Variants in TANGO2 observed in about 807,000 individuals in gnomAD.
TANGO2 encodes transport and golgi organization 2 homolog, also known as transport and Golgi organization protein 2 homolog.
In TANGO2, 26 loss-of-function variants were observed where a neutral mutation model predicts 39.1. The ratio of observed to expected loss-of-function variants is 0.67; its 90% confidence interval spans 0.49 to 0.92. The LOEUF is 0.92. TANGO2 is among the 40% of genes least tolerant of loss of function. TANGO2 has a pLI of 0.00. For synonymous variants in TANGO2, 131 were observed against 144.5 expected (o/e 0.91, Z 0.67); for missense variants, 326 against 360.1 (o/e 0.91, Z 0.77).
chr22:20,024,709 G>T (rs2040399295), intron 1 of TANGO2, among the ~76,000 whole-genome samples: 1 of 152,258 alleles, frequency 6.6e-6, no homozygotes, highest in Non-Finnish European at 1.5e-5. Context: ...CCTTGACCCT[G>T]TGGTACTAAT....
chr22:20,055,835 T>C (rs2047223439), intron 5 of TANGO2, 108 bp from the exon 6 acceptor site: 2 of 995,772 alleles, frequency 2.0e-6, no homozygotes, highest in Non-Finnish European at 3.1e-6. Context: ...CGCAGCGGGC[T>C]ACTGCGCACA....
At chr22:20,031,377 C>T (rs777802771) in intron 1 of TANGO2, among the ~76,000 whole-genome samples, 18 of 152,152 alleles carry the variant, frequency 1.2e-4, no homozygotes, top group South Asian at 6.2e-4. Flanking sequence ...ATGAGAACAA[C>T]GCTTCTTTTC....
rs948852801 is a variant in TANGO2 at position 20,057,265 on chromosome 22, A to T, written c.451+1252A>T. On this transcript the variant is annotated intron_variant, in intron 6 of 8. Coordinates refer to ENST00000327374, the MANE Select transcript of TANGO2 (RefSeq NM_152906.7). This position sits in a 1 kb window ranked among gnomAD's most constrained non-coding sequence, Gnocchi z 4.1. The stretch of plus-strand genomic sequence containing the variant: ...GAGTCCTGTGGTCCTTGCCTGGCCC[A>T]CACTGGAGCTGGCTTCCAGCTTCCC... Among the ~76,000 whole-genome samples, 1 of 152,110 alleles carries T rather than the reference A, an allele frequency of 6.6e-6. No homozygotes were observed. The highest frequency in any genetic ancestry group is 1.5e-5 in the Non-Finnish European group (1 of 68,002).
chr22:20,034,011 G>T (rs569387195), intron 1 of TANGO2, among the ~76,000 whole-genome samples: 4 of 152,324 alleles, frequency 2.6e-5, no homozygotes, highest in Admixed American at 2.6e-4. Flanking sequence ...TTGGAGACCA[G>T]CCTGACCAAC....
chr22:20,027,563 G>T (rs930676697), intron 1 of TANGO2, among the ~76,000 whole-genome samples: 2 of 152,092 alleles, frequency 1.3e-5, no homozygotes, highest in Non-Finnish European at 2.9e-5. Flanking sequence ...GTGCAAGCAG[G>T]TTAAGAACAC....
chr22:20,055,704 G>A, intron 5 of TANGO2: 2 of 586,798 alleles, frequency 3.4e-6, no homozygotes, highest in Non-Finnish European at 6.1e-6. Flanking sequence ...TGTGCCTCCT[G>A]GGCTGGTGGG....
upstream of TANGO2, among the ~76,000 whole-genome samples, chr22:20,020,612 G>C (rs559408547): frequency 7.1e-4 from 108 of 152,184 alleles, no homozygotes; most frequent in African/African-American, 2.5e-3. Flanking sequence ...ACATCAGGGA[G>C]GAAAGAGCCG....
In TANGO2 at chr22:20,064,879, C is replaced by T; in HGVS notation, c.*217C>T. The stretch of plus-strand genomic sequence containing the variant: ...CAGTGAGGAGCAGCAGAGTCTGATA[C>T]TAGGTCTAGGACCGGCCGAGGTATA... On this transcript the variant is annotated 3_prime_UTR_variant, in exon 9 of 9. Transcript: ENST00000327374. 1.7e-6 allele frequency: 1 copy of T among 604,814 alleles called. No individual in the cohort carries two copies. The highest frequency in any genetic ancestry group is 2.8e-6 in the Non-Finnish European group (1 of 352,134). The allele number at this position is 604,814 out of a possible 1,614,324, so 37.5% of individuals were successfully genotyped here.
At chr22:20,052,646 C>CA in intron 4 of TANGO2, 62 bp downstream of exon 4, 1 of 1,529,996 alleles carries the variant, frequency 6.5e-7, no homozygotes, top group Non-Finnish European at 8.8e-7. Flanking sequence ...CTAGGTGAGA[C>CA]AAGGTGGGGC....
intron 1 of TANGO2, among the ~76,000 whole-genome samples, chr22:20,027,436 T>C (rs2146799639): frequency 1.3e-5 from 2 of 152,272 alleles, no homozygotes; most frequent in East Asian, 3.9e-4. Context: ...TGGGCAGTGG[T>C]GAACCAGTGG....
At chr22:20,064,089 G>A (rs1283502605) in intron 8 of TANGO2, among the ~76,000 whole-genome samples, 1 of 152,234 alleles carries the variant, frequency 6.6e-6, no homozygotes, top group East Asian at 1.9e-4. Context: ...GGCTGGCATG[G>A]CCTGGGCAGT....
In TANGO2 at chr22:20,064,969, C is replaced by T. The variant is rs999829667; in HGVS notation, c.*307C>T. ...TGTACACAGGCACTCACATGGCACA[C>T]ACATACACTCCTGCGTGTGCACAAG... On this transcript the variant is annotated 3_prime_UTR_variant, in exon 9 of 9. Coordinates refer to ENST00000327374, the MANE Select transcript of TANGO2 (RefSeq NM_152906.7). 6 of 350,066 alleles carry T rather than the reference C, an allele frequency of 1.7e-5. No homozygotes were observed. Among genetic ancestry groups the T allele is most frequent in the Non-Finnish European group, 2.1e-5 (4 of 187,144 alleles). The allele number at this position is 350,066 out of a possible 1,614,324, so 21.7% of individuals were successfully genotyped here.
intron 3 of TANGO2, among the ~76,000 whole-genome samples, chr22:20,045,178 G>A (rs1012795331): frequency 2.0e-5 from 3 of 151,694 alleles, no homozygotes; most frequent in Non-Finnish European, 4.4e-5. Flanking sequence ...GCTCACACCT[G>A]TAATCTCAGC....
At chr22:20,019,970 A>G (rs1160183075), upstream of TANGO2, among the ~76,000 whole-genome samples, 11 of 152,354 alleles carry the variant, frequency 7.2e-5, no homozygotes, top group Admixed American at 5.2e-4. Flanking sequence ...GTGGAGCACA[A>G]CGGGCCCGCA....
At position 20,052,692 on chromosome 22, in the gene TANGO2, T is replaced by C. The variant is rs181933748; in HGVS notation, c.265+108T>C. ...CAGGACTGGCCAATGTATGGTGGAG[T>C]GGGGCGGGCCAAGGTAGGAAGTGCC... is the stretch of plus-strand genomic sequence containing the variant. On this transcript the variant is annotated intron_variant, in intron 4 of 8. Coordinates refer to ENST00000327374, the MANE Select transcript of TANGO2 (RefSeq NM_152906.7). The C allele has an allele frequency of 1.9e-4, 269 of 1,389,592 alleles. 1 individual carries two copies. The African/African-American group carries it at 3.5e-3, about 18-fold the overall frequency. The allele number at this position is 1,389,592 out of a possible 1,614,324, so 86.1% of individuals were successfully genotyped here.
chr22:20,023,254 C>A (rs1394297061), intron 1 of TANGO2, among the ~76,000 whole-genome samples: 1 of 152,156 alleles, frequency 6.6e-6, no homozygotes, highest in Non-Finnish European at 1.5e-5. Flanking sequence ...ACTTGAAGTG[C>A]TTGCCTTCAT....
intron 3 of TANGO2, among the ~76,000 whole-genome samples, chr22:20,051,859 A>G (rs2046398614): frequency 6.6e-6 from 1 of 152,204 alleles, no homozygotes; most frequent in African/African-American, 2.4e-5. Context: ...CAAAAAAATA[A>G]AAAATGAAAT....
chr22:20,053,971 C>T (rs1236916719), intron 5 of TANGO2: 1 of 346,804 alleles, frequency 2.9e-6, no homozygotes, highest in Non-Finnish European at 5.7e-6. Context: ...GGTGTTTTGC[C>T]CTTCCGTGAA....
chr22:20,051,008 T>C (rs1337266263), intron 3 of TANGO2, among the ~76,000 whole-genome samples: 1 of 151,168 alleles, frequency 6.6e-6, no homozygotes, highest in Non-Finnish European at 1.5e-5. Flanking sequence ...ATTACAGGCA[T>C]GCACCACCAC....
Sources: gnomAD v4.1 joint callset for allele counts (sites outside exome capture counted in the v4.1 genomes callset) on GRCh38, gnomAD v4.1.1 for gene constraint, Gnocchi (gnomAD v3.1) non-coding constraint, MANE v1.5 for transcripts, NCBI Gene and HGNC (gene_info 2026-07-23, HGNC 2026-07-21) for gene names.